LMO7: variants seen among roughly 807,000 people sequenced by gnomAD.
The protein encoded by LMO7 is LIM domain 7.
A neutral mutation model predicts 206.5 loss-of-function variants in LMO7; 120 were observed. The ratio of observed to expected loss-of-function variants is 0.58; its 90% CI spans 0.50 to 0.68. LMO7 has a LOEUF of 0.68. Ranked by LOEUF, LMO7 falls within the 30% of genes least tolerant of loss-of-function variation. The pLI is 0.00. For missense variants in LMO7, 1,959 were observed against 1,957.9 expected (o/e 1.00, Z -0.01); for synonymous variants, 706 against 681.5 (o/e 1.04, Z -0.56).
chr13:75,751,377 G>A (rs1218090135), intron 3 of LMO7, among the ~76,000 whole-genome samples: 3 of 151,824 alleles, frequency 2.0e-5, no homozygotes, highest in African/African-American at 7.3e-5. Context: ...AGTTAGGATG[G>A]TTTCGATCTC....
chr13:75,760,878 C>A (rs747385758), intron 3 of LMO7, 54 bp from the exon 4 acceptor site: 11 of 1,605,156 alleles, frequency 6.9e-6, no homozygotes, highest in Non-Finnish European at 8.5e-6. Context: ...AAATTTGTAA[C>A]CTTTGTCTGA....
chr13:75,704,207 C>G (rs947924601), intron 1 of LMO7, among the ~76,000 whole-genome samples: 1 of 152,170 alleles, frequency 6.6e-6, no homozygotes, highest in Non-Finnish European at 1.5e-5. Context: ...ATTATAAGGT[C>G]ATGATACGTG....
chr13:75,686,212 T>C (rs1241073633), intron 1 of LMO7, among the ~76,000 whole-genome samples: 1 of 152,106 alleles, frequency 6.6e-6, no homozygotes, highest in Non-Finnish European at 1.5e-5. Context: ...GACTTGGCAA[T>C]TTCCAAAAGA....
intron 2 of LMO7, 25 bp from the exon 3 acceptor site, chr13:75,727,004 G>C: frequency 2.3e-6 from 3 of 1,304,516 alleles, no homozygotes; most frequent in Non-Finnish European, 3.3e-6. Flanking sequence ...TCTTGTAATT[G>C]CATCTGTTAT....
At chr13:75,679,756 A>G (rs2040318732) in intron 1 of LMO7, among the ~76,000 whole-genome samples, 1 of 152,034 alleles carries the variant, frequency 6.6e-6, no homozygotes, top group Admixed American at 6.6e-5. Flanking sequence ...TAATTTTTGT[A>G]TTTTTTGTAG....
Position 75,786,642 on chromosome 13 carries a change from C to T in LMO7, c.318-8759C>T, listed in dbSNP as rs987786134. On this transcript the variant is annotated intron_variant, in intron 4 of 30. Transcript: ENST00000377534. The stretch of plus-strand genomic sequence containing the variant: ...CCTCATGATCTGCCCGCCTCGGCCT[C>T]CCAAAGTGCTTGGATTACAGGCGTG... Among the ~76,000 whole-genome samples the T allele has an allele frequency of 1.2e-4, 18 of 152,210 alleles. No homozygotes were observed. The Middle Eastern group carries it at 0.01, about 86-fold the overall frequency.
At chr13:75,735,115 A>ATG in intron 3 of LMO7, among the ~76,000 whole-genome samples, 1 of 111,642 alleles carries the variant, frequency 9.0e-6, no homozygotes, top group African/African-American at 3.0e-5. Context: ...AAAAAAAATT[A>ATG]CGTGTGTGTG....
chr13:75,708,068 G>A (rs2042792624), intron 1 of LMO7, among the ~76,000 whole-genome samples: 1 of 152,152 alleles, frequency 6.6e-6, no homozygotes, highest in Non-Finnish European at 1.5e-5. Flanking sequence ...AATTGTTGGA[G>A]TATTGTCAGA....
At position 75,858,316 on chromosome 13, in the gene LMO7, A is replaced by T. The variant is rs927982881; in HGVS notation, c.*373A>T. ...GTTTTTTAAAAAAAGGTTCTTAAAC[A>T]TTATTTGAAATAGTTAATATAAATA... On this transcript the variant is annotated 3_prime_UTR_variant, in exon 31 of 31. Coordinates refer to ENST00000377534, the MANE Select transcript of LMO7 (RefSeq NM_001306080.2). 1.6e-5 allele frequency: 3 copies of T among 183,718 alleles called. No individual in the cohort carries two copies. The highest frequency in any genetic ancestry group is 2.3e-5 in the African/African-American group (1 of 42,616). The allele number at this position is 183,718 out of a possible 1,614,324, so 11.4% of individuals were successfully genotyped here. A position where few individuals can be genotyped will look rare whatever the true frequency, so the allele number is the denominator to read the frequency against.
At chr13:75,695,771 C>T (rs1323321679) in intron 1 of LMO7, among the ~76,000 whole-genome samples, 1 of 152,174 alleles carries the variant, frequency 6.6e-6, no homozygotes, top group African/African-American at 2.4e-5. Context: ...TGCTTCAAAA[C>T]CAGTTTTGTA....
Position 75,823,705 on chromosome 13 carries a change from A to T in LMO7, c.2781A>T (p.Thr927=). ...CTAGCCAGAAAGAGGTAGCAGCAACAGAAGAAGATGTGACAAGGCTGCCCT... is the reference window on the plus strand; with the variant it reads ...CTAGCCAGAAAGAGGTAGCAGCAACTGAAGAAGATGTGACAAGGCTGCCCT... ...SLSSQKEVAA[T]EEDVTRLPSP... The change falls in exon 15 of 31, where the codon ACA becomes ACT. Residue 927 remains threonine (T), a synonymous_variant. Coordinates refer to ENST00000377534, the MANE Select transcript of LMO7 (RefSeq NM_001306080.2). 2.5e-6 allele frequency: 4 copies of T among 1,613,418 alleles called. No homozygotes were observed. Among genetic ancestry groups the T allele is most frequent in the Non-Finnish European group, 3.4e-6 (4 of 1,179,996 alleles).
chr13:75,775,729 A>C (rs897256135), intron 4 of LMO7, among the ~76,000 whole-genome samples: 3 of 151,992 alleles, frequency 2.0e-5, no homozygotes, highest in Admixed American at 2.0e-4. Context: ...ATCATCAGAG[A>C]ATGCAAATTA....
intron 22 of LMO7, 89 bp from the exon 23 acceptor site, chr13:75,841,020 G>T: frequency 1.3e-6 from 1 of 796,004 alleles, no homozygotes; most frequent in South Asian, 1.8e-5. Context: ...TGAGGTTGAA[G>T]GTTTAGAGAT....
chr13:75,840,892 TCTC>T (rs1396940534), intron 22 of LMO7, among the ~76,000 whole-genome samples: 1 of 152,146 alleles, frequency 6.6e-6, no homozygotes, highest in African/African-American at 2.4e-5. Flanking sequence ...GGGGTTTAAT[TCTC>T]AGTGTCTACC....
chr13:75,769,610 C>A (rs74924315), intron 4 of LMO7, among the ~76,000 whole-genome samples: 11 of 152,062 alleles, frequency 7.2e-5, no homozygotes, highest in Non-Finnish European at 1.6e-4. Flanking sequence ...AATCTCCACA[C>A]TGTAGATAAG....
At chr13:75,668,854 T>G (rs2039301284) in intron 1 of LMO7, among the ~76,000 whole-genome samples, 1 of 152,142 alleles carries the variant, frequency 6.6e-6, no homozygotes, top group Non-Finnish European at 1.5e-5. Flanking sequence ...TTGATTTCGG[T>G]CATGTTGAAT....
chr13:75,827,650 A>T (rs1180306656), intron 15 of LMO7, among the ~76,000 whole-genome samples: 1 of 152,094 alleles, frequency 6.6e-6, no homozygotes. Flanking sequence ...GGAGTCCTTC[A>T]TCCCCCCTCC....
chr13:75,824,150 G>C (rs2057882674), intron 15 of LMO7, among the ~76,000 whole-genome samples: 1 of 152,106 alleles, frequency 6.6e-6, no homozygotes, highest in South Asian at 2.1e-4. Flanking sequence ...CCATGTTTCA[G>C]TAGTGGTTGC....
At chr13:75,734,361 A>T (rs1253467723) in intron 3 of LMO7, among the ~76,000 whole-genome samples, 3 of 152,226 alleles carry the variant, frequency 2.0e-5, no homozygotes, top group African/African-American at 7.2e-5. Context: ...AAATCATTGC[A>T]ATGATAGGAG....
Sources: gnomAD v4.1 joint callset for allele counts (sites outside exome capture counted in the v4.1 genomes callset) on GRCh38, gnomAD v4.1.1 for gene constraint, MANE v1.5 for transcripts, NCBI Gene and HGNC (gene_info 2026-07-23, HGNC 2026-07-21) for gene names.